Variants in CTNNA3 observed in about 807,000 individuals in gnomAD.
CTNNA3 encodes catenin alpha-3.
A neutral mutation model predicts 95.7 loss-of-function variants in CTNNA3; 76 were observed. That is an observed-to-expected ratio of 0.79 (90% CI 0.66 to 0.96). The LOEUF (loss-of-function observed/expected upper bound fraction) is 0.96. CTNNA3 is among the 40% of genes least tolerant of loss of function. The pLI, the probability that CTNNA3 is intolerant of heterozygous loss-of-function variation, is 0.00. For missense variants in CTNNA3, 1,191 were observed against 1,089.8 expected, an observed-to-expected ratio of 1.09 and a Z score of -1.31; for synonymous variants, 431 against 374.4, an observed-to-expected ratio of 1.15 and a Z score of -1.74.
At chr10:67,668,937 C>G (rs1245071423) in intron 1 of CTNNA3, among the ~76,000 whole-genome samples, 1 of 145,588 alleles carries the variant, frequency 6.9e-6, no homozygotes, top group African/African-American at 2.6e-5. Context: ...CTCCCCGGTT[C>G]AAGTGAATCT....
At chr10:66,466,339 T>TATAC (rs753509503) in intron 11 of CTNNA3, among the ~76,000 whole-genome samples, 4 of 141,768 alleles carry the variant, frequency 2.8e-5, no homozygotes, top group African/African-American at 1.1e-4. Flanking sequence ...CACCCACCTA[T>TATAC]ACACACACAC....
intron 7 of CTNNA3, among the ~76,000 whole-genome samples, chr10:66,935,803 A>G (rs1346546276): frequency 6.6e-6 from 1 of 152,026 alleles, no homozygotes; most frequent in Non-Finnish European, 1.5e-5. Context: ...AAATATAAGA[A>G]CAGAGCCCTT....
intron 6 of CTNNA3, among the ~76,000 whole-genome samples, chr10:67,185,435 T>C (rs1862791737): frequency 6.6e-6 from 1 of 152,062 alleles, no homozygotes. Flanking sequence ...CTTTTTTTCC[T>C]TTTTTTCTAT....
At chr10:65,939,922 A>G (rs1459495271) in intron 17 of CTNNA3, among the ~76,000 whole-genome samples, 3 of 152,190 alleles carry the variant, frequency 2.0e-5, no homozygotes. Context: ...ATAATATGAA[A>G]TATCCTGGAA....
At chr10:67,670,504 A>C in intron 1 of CTNNA3, among the ~76,000 whole-genome samples, 1 of 152,236 alleles carries the variant, frequency 6.6e-6, no homozygotes, top group Non-Finnish European at 1.5e-5. Flanking sequence ...AAAAGAATGA[A>C]GCTTATCACA....
intron 16 of CTNNA3, among the ~76,000 whole-genome samples, chr10:65,969,918 A>C (rs80122362): frequency 0.11 from 16,322 of 152,106 alleles, 1,100 homozygotes; most frequent in East Asian, 0.19. Context: ...AGAAATCCAG[A>C]GAACACTTGA....
intron 5 of CTNNA3, among the ~76,000 whole-genome samples, chr10:67,505,081 C>T (rs6480262): frequency 0.84 from 128,052 of 152,170 alleles, 54,146 homozygotes; most frequent in Non-Finnish European, 0.88. Flanking sequence ...ACACTGCTGC[C>T]TACCAAAACT....
intron 13 of CTNNA3, among the ~76,000 whole-genome samples, chr10:66,248,970 A>G (rs1344507051): frequency 6.6e-6 from 1 of 152,206 alleles, no homozygotes; most frequent in African/African-American, 2.4e-5. Flanking sequence ...CCAATGGAAC[A>G]TAATAGAGAA....
intron 12 of CTNNA3, among the ~76,000 whole-genome samples, chr10:66,371,963 T>G (rs1419478415): frequency 6.6e-6 from 1 of 152,164 alleles, no homozygotes; most frequent in South Asian, 2.1e-4. Flanking sequence ...AGCGAATAAA[T>G]GTACCAGCTG....
At chr10:66,197,774 A>T (rs10822748) in intron 13 of CTNNA3, among the ~76,000 whole-genome samples, 1 of 151,310 alleles carries the variant, frequency 6.6e-6, no homozygotes, top group Non-Finnish European at 1.5e-5. Flanking sequence ...AGTAAAGGCC[A>T]GCTGTTTTAT....
At chr10:66,089,045 T>C (rs1000386863) in intron 14 of CTNNA3, among the ~76,000 whole-genome samples, 6 of 152,082 alleles carry the variant, frequency 3.9e-5, no homozygotes, top group Non-Finnish European at 7.4e-5. Flanking sequence ...TTTTGTGTTT[T>C]GTTTGCTTGG....
At chr10:66,076,869 T>C (rs1480858851) in intron 14 of CTNNA3, among the ~76,000 whole-genome samples, 3 of 151,716 alleles carry the variant, frequency 2.0e-5, no homozygotes, top group Non-Finnish European at 4.4e-5. Flanking sequence ...GGAAATGAGT[T>C]CCTTAGGGAA....
chr10:66,439,680 T>G (rs1376720467), intron 11 of CTNNA3, among the ~76,000 whole-genome samples: 1 of 152,102 alleles, frequency 6.6e-6, no homozygotes, highest in Non-Finnish European at 1.5e-5. Flanking sequence ...AAAATAGTAA[T>G]TATATAAATG....
chr10:65,938,761 C>T (rs2077381161), intron 17 of CTNNA3, among the ~76,000 whole-genome samples: 1 of 152,020 alleles, frequency 6.6e-6, no homozygotes, highest in Non-Finnish European at 1.5e-5. Flanking sequence ...TTCTCCTTAC[C>T]AACGGTGTGT....
At chr10:66,958,176 G>A (rs541622694) in intron 7 of CTNNA3, among the ~76,000 whole-genome samples, 101 of 151,882 alleles carry the variant, frequency 6.6e-4, no homozygotes, top group Non-Finnish European at 8.8e-5. Context: ...TGTGAATATT[G>A]AATAAAAGAG....
chr10:66,845,251 G>A (rs1276371016), intron 7 of CTNNA3, among the ~76,000 whole-genome samples: 1 of 152,104 alleles, frequency 6.6e-6, no homozygotes, highest in Non-Finnish European at 1.5e-5. Context: ...AGACATAAAC[G>A]TGACCAACAG....
intron 12 of CTNNA3, among the ~76,000 whole-genome samples, chr10:66,347,167 T>C (rs568797729): frequency 1.3e-5 from 2 of 152,070 alleles, no homozygotes; most frequent in African/African-American, 2.4e-5. Flanking sequence ...GAAAAAAATA[T>C]ACATGTCATT....
chr10:67,439,661 C>T (rs985664986), intron 5 of CTNNA3, among the ~76,000 whole-genome samples: 7 of 152,264 alleles, frequency 4.6e-5, no homozygotes, highest in African/African-American at 1.4e-4. Flanking sequence ...GGACAGAGAA[C>T]CAAACCATAT....
chr10:67,206,660 CAA>C lies in CTNNA3; in HGVS notation c.843+12945_843+12946del, dbSNP rs201288764. Among the ~76,000 whole-genome samples the C allele has an allele frequency of 7.1e-3, 975 of 137,954 alleles. 13 individuals carry two copies. Among genetic ancestry groups the C allele is most frequent in the African/African-American group, 0.023 (885 of 37,838 alleles). The allele number at this position is 137,954 out of a possible 152,430, so 90.5% of individuals were successfully genotyped here. A position where few individuals can be genotyped will look rare whatever the true frequency, so the allele number is the denominator to read the frequency against. ...TTCCACTTAGGGAAGAAAAGACCTTCAAAAAAAAAAAAATTAAGAGTTTCCAA... is the reference window on the plus strand; with the variant it reads ...TTCCACTTAGGGAAGAAAAGACCTTCAAAAAAAAAAATTAAGAGTTTCCAA... On this transcript the variant is annotated intron_variant, in intron 6 of 17. Coordinates refer to ENST00000433211, the MANE Select transcript of CTNNA3 (RefSeq NM_013266.4).
Sources: allele counts gnomAD v4.1 joint callset (sites outside exome capture counted in the v4.1 genomes callset), GRCh38; gene constraint gnomAD v4.1.1; transcripts MANE v1.5; gene names NCBI Gene and HGNC (gene_info 2026-07-23, HGNC 2026-07-21).